The following TNRC6B variants were observed in gnomAD, a reference collection of about 807,000 sequenced individuals.
The protein encoded by TNRC6B is trinucleotide repeat-containing gene 6B protein.
TNRC6B carries 52 observed loss-of-function variants against 203.6 expected under a neutral mutation model. The observed-to-expected ratio is 0.26, with a 90% CI of 0.20 to 0.32. The LOEUF (loss-of-function observed/expected upper bound fraction) is 0.32, where lower values mean the gene tolerates loss of function less well. TNRC6B is among the 10% of genes least tolerant of loss of function. The pLI is 1.00. For missense variants in TNRC6B, 1,923 were observed against 2,286.2 expected (o/e 0.84, Z 3.24); for synonymous variants, 838 against 845.7 (o/e 0.99, Z 0.16).
intron 3 of TNRC6B, among the ~76,000 whole-genome samples, chr22:40,256,826 G>A (rs894234890): frequency 6.6e-6 from 1 of 152,232 alleles, no homozygotes; most frequent in Non-Finnish European, 1.5e-5. Flanking sequence ...ACAGAAATGG[G>A]AGGGAGGGAA....
intron 9 of TNRC6B, among the ~76,000 whole-genome samples, chr22:40,278,580 G>T (rs368058668): frequency 2.6e-5 from 4 of 151,784 alleles, no homozygotes; most frequent in East Asian, 1.9e-4. Flanking sequence ...AAAAACCTGG[G>T]ACGAGGTGGC....
intron 1 of TNRC6B, among the ~76,000 whole-genome samples, chr22:40,184,528 G>A (rs969432800): frequency 2.0e-5 from 3 of 152,216 alleles, no homozygotes; most frequent in African/African-American, 7.2e-5. Flanking sequence ...TCTTTTTCCT[G>A]AGAACAGTTG....
chr22:40,252,693 C>T (rs1320781231), intron 3 of TNRC6B, among the ~76,000 whole-genome samples: 1 of 152,132 alleles, frequency 6.6e-6, no homozygotes, highest in Non-Finnish European at 1.5e-5. Context: ...TGTACATTTC[C>T]TCAGTTTCAG....
chr22:40,135,276 G>A (rs2068590097), intron 3 of TNRC6B, among the ~76,000 whole-genome samples: 1 of 152,136 alleles, frequency 6.6e-6, no homozygotes, highest in South Asian at 2.1e-4. Context: ...AGACTCAAGG[G>A]GAGGAGAAAC....
chr22:40,248,791 T>A (rs1334980187), intron 2 of TNRC6B, among the ~76,000 whole-genome samples: 2 of 152,268 alleles, frequency 1.3e-5, no homozygotes, highest in East Asian at 3.8e-4. Flanking sequence ...TCTATCGTTT[T>A]TGCTCAAAAA....
intron 1 of TNRC6B, among the ~76,000 whole-genome samples, chr22:40,069,275 T>A (rs896847542): frequency 1.8e-4 from 27 of 146,020 alleles, no homozygotes; most frequent in Non-Finnish European, 3.0e-4. Flanking sequence ...TGATATAAAA[T>A]TTTTTTTTTT....
rs2069083137 is a variant in TNRC6B, at chr22:40,177,956, G to C, written c.-180G>C. The C allele has an allele frequency of 7.0e-7, 1 of 1,421,300 alleles. No homozygotes were observed. The highest frequency in any genetic ancestry group is 9.2e-7 in the Non-Finnish European group (1 of 1,092,822). 88.0% of individuals were successfully genotyped at this position (1,421,300 alleles called of 1,614,324 possible). A position where few individuals can be genotyped will look rare whatever the true frequency, so the allele number is the denominator to read the frequency against. On this transcript the variant is annotated 5_prime_UTR_variant, in exon 1 of 23. Coordinates refer to ENST00000454349, the MANE Select transcript of TNRC6B (RefSeq NM_001162501.2). The stretch of plus-strand genomic sequence containing the variant: ...AGAGAGGGAGAGAGAGAGCAAGAGG[G>C]AGAGTGTGTGAGAGAGAGTTAGTTC...
intron 3 of TNRC6B, among the ~76,000 whole-genome samples, chr22:40,126,360 A>G (rs1309206547): frequency 6.6e-6 from 1 of 152,052 alleles, no homozygotes; most frequent in African/African-American, 2.4e-5. Flanking sequence ...TAGTGAGCAT[A>G]GTACCCAAGA....
chr22:40,115,292 C>G (rs2068377334), intron 1 of TNRC6B, among the ~76,000 whole-genome samples: 1 of 152,198 alleles, frequency 6.6e-6, no homozygotes, highest in Non-Finnish European at 1.5e-5. Flanking sequence ...AAACTTTAAT[C>G]AGAATAGGGA....
chr22:40,080,277 C>T (rs1057111113), intron 1 of TNRC6B, among the ~76,000 whole-genome samples: 1 of 151,476 alleles, frequency 6.6e-6, no homozygotes, highest in Non-Finnish European at 1.5e-5. Flanking sequence ...CCAGTTGTCC[C>T]TAGGGCATTG....
chr22:40,210,659 TAAATA>T (rs2069549472), intron 1 of TNRC6B, among the ~76,000 whole-genome samples: 1 of 152,260 alleles, frequency 6.6e-6, no homozygotes, highest in Non-Finnish European at 1.5e-5. Context: ...TGTTAGGGCT[TAAATA>T]AAGACTGGCT....
At chr22:40,302,230 C>G (rs2146550161) in intron 15 of TNRC6B, among the ~76,000 whole-genome samples, 1 of 152,194 alleles carries the variant, frequency 6.6e-6, no homozygotes, top group Non-Finnish European at 1.5e-5. Flanking sequence ...ACAGTGATTT[C>G]AAAACAAAAT....
intron 1 of TNRC6B, among the ~76,000 whole-genome samples, chr22:40,076,255 A>G (rs1357305089): frequency 1.3e-5 from 2 of 152,138 alleles, no homozygotes; most frequent in Non-Finnish European, 2.9e-5. Context: ...CATCTCAACA[A>G]AAAATACAAA....
chr22:40,061,242 T>G (rs1453574850), intron 1 of TNRC6B, among the ~76,000 whole-genome samples: 5 of 152,116 alleles, frequency 3.3e-5, no homozygotes, highest in Non-Finnish European at 5.9e-5. Flanking sequence ...GAGACGGAGT[T>G]TTGCTCTTGT....
intron 12 of TNRC6B, among the ~76,000 whole-genome samples, chr22:40,292,673 C>T (rs532655796): frequency 3.3e-5 from 5 of 152,336 alleles, no homozygotes; most frequent in African/African-American, 9.6e-5. Flanking sequence ...CTCTGCAGCC[C>T]AGGCGGGCGT....
At chr22:40,071,801 T>C (rs1210268357) in intron 1 of TNRC6B, among the ~76,000 whole-genome samples, 2 of 152,246 alleles carry the variant, frequency 1.3e-5, no homozygotes, top group African/African-American at 4.8e-5. Flanking sequence ...CTGGCAGTTA[T>C]AGCTTTTATT....
intron 13 of TNRC6B, 125 bp downstream of exon 13, chr22:40,300,711 T>C: frequency 7.4e-7 from 1 of 1,342,466 alleles, no homozygotes; most frequent in Non-Finnish European, 1.0e-6. Context: ...CACACTTCTT[T>C]GCAAACTATG....
chr22:40,210,213 CAG>C (rs1365154073), intron 1 of TNRC6B, among the ~76,000 whole-genome samples: 2 of 151,912 alleles, frequency 1.3e-5, no homozygotes, highest in African/African-American at 2.4e-5. Flanking sequence ...AACTATAAAA[CAG>C]AGATAGAAAT....
chr22:40,111,108 G>A (rs2068329169), intron 1 of TNRC6B, among the ~76,000 whole-genome samples: 1 of 152,170 alleles, frequency 6.6e-6, no homozygotes, highest in Non-Finnish European at 1.5e-5. Context: ...AGGGAGTCAG[G>A]AAAGACTTCA....
Sources: gnomAD v4.1 joint callset for allele counts (sites outside exome capture counted in the v4.1 genomes callset) on GRCh38, gnomAD v4.1.1 for gene constraint, MANE v1.5 for transcripts, NCBI Gene and HGNC (gene_info 2026-07-23, HGNC 2026-07-21) for gene names.